The following SCARB1 variants were observed in gnomAD, a reference collection of about 807,000 sequenced individuals.
SCARB1 encodes the protein scavenger receptor class B member 1.
Under a neutral mutation model 57.2 loss-of-function variants are expected in SCARB1, and 30 were observed. The observed-to-expected ratio is 0.52, with a 90% CI of 0.39 to 0.71. The LOEUF is 0.71. SCARB1 is among the 30% of genes least tolerant of loss of function. The probability of loss-of-function intolerance (pLI) is 0.00; values close to 1 mark genes in which losing one functional copy is unlikely to be tolerated. For missense variants in SCARB1, 543 were observed against 671.2 expected, an observed-to-expected ratio of 0.81 and a Z score of 2.11; for synonymous variants, 249 against 268.3, an observed-to-expected ratio of 0.93 and a Z score of 0.70.
At chr12:124,808,726 G>C (rs1046823776) in intron 6 of SCARB1, among the ~76,000 whole-genome samples, 2 of 152,054 alleles carry the variant, frequency 1.3e-5, no homozygotes, top group African/African-American at 4.8e-5. Flanking sequence ...TCTGTCCACG[G>C]CAGCCACTCA....
chr12:124,840,269 G>A (rs535749765), intron 1 of SCARB1, among the ~76,000 whole-genome samples: 1 of 151,850 alleles, frequency 6.6e-6, no homozygotes, highest in Non-Finnish European at 1.5e-5. Flanking sequence ...TACCTCCCAG[G>A]TTCAAACGAT....
At chr12:124,813,276 C>G (rs1378246955) in intron 4 of SCARB1, among the ~76,000 whole-genome samples, 1 of 152,200 alleles carries the variant, frequency 6.6e-6, no homozygotes, top group African/African-American at 2.4e-5. Flanking sequence ...ATCTGCTCCC[C>G]AAAGCCCCAC....
Position 124,810,426 on chromosome 12 carries a change from G to A in SCARB1, c.727-137C>T. 1 of 689,140 alleles carries A rather than the reference G, an allele frequency of 1.5e-6. No individual in the cohort carries two copies. The highest frequency in any genetic ancestry group is 2.6e-6 in the Non-Finnish European group (1 of 377,416). The allele number at this position is 689,140 out of a possible 1,614,324, so 42.7% of individuals were successfully genotyped here. On this transcript the variant is annotated intron_variant, in intron 5 of 12. Coordinates refer to ENST00000261693, the MANE Select transcript of SCARB1 (RefSeq NM_005505.5). The surrounding 1 kb of genome is among the most constrained non-coding windows in gnomAD (Gnocchi z 4.0). ...CCAATACTGGCACGGTGGGAAGAGG[G>A]CAGGCTATGTAGACACACAGAGAGA...
intron 8 of SCARB1, among the ~76,000 whole-genome samples, chr12:124,797,894 G>A (rs1344198336): frequency 1.3e-5 from 2 of 152,238 alleles, no homozygotes; most frequent in African/African-American, 2.4e-5. Flanking sequence ...TGTGGCAAAC[G>A]TGTGGAGCTT....
chr12:124,814,896 G>T lies in SCARB1; in HGVS notation c.426+77C>A. ...CCGACCACCTCAGGGACTGCTCTCTGCACAAGGGGCAGGCGGGAGGAGAGA... is the reference window on the plus strand; with the variant it reads ...CCGACCACCTCAGGGACTGCTCTCTTCACAAGGGGCAGGCGGGAGGAGAGA... On this transcript the variant is annotated intron_variant, in intron 3 of 12. Coordinates refer to ENST00000261693, the MANE Select transcript of SCARB1 (RefSeq NM_005505.5). The surrounding 1 kb of genome is among the most constrained non-coding windows in gnomAD (Gnocchi z 4.7). The T allele has an allele frequency of 6.3e-7, 1 of 1,590,382 alleles. No homozygotes were observed.
intron 11 of SCARB1, chr12:124,785,984 A>G: frequency 1.5e-6 from 2 of 1,314,810 alleles, no homozygotes; most frequent in Non-Finnish European, 2.0e-6. Context: ...CCCCCTGAGC[A>G]GGGATCTCAG....
intron 7 of SCARB1, among the ~76,000 whole-genome samples, chr12:124,803,487 A>G (rs528106233): frequency 4.9e-4 from 74 of 152,094 alleles, no homozygotes; most frequent in African/African-American, 1.6e-3. Flanking sequence ...AAGAGGATCA[A>G]TTGAGTGATG....
At chr12:124,855,103 C>T (rs192901701) in intron 1 of SCARB1, among the ~76,000 whole-genome samples, 1 of 152,236 alleles carries the variant, frequency 6.6e-6, no homozygotes, top group African/African-American at 2.4e-5. Context: ...GGGAGGAAAA[C>T]CCAGAGAATG....
chr12:124,830,670 G>C (rs1176998988), intron 1 of SCARB1, among the ~76,000 whole-genome samples: 1 of 152,100 alleles, frequency 6.6e-6, no homozygotes, highest in African/African-American at 2.4e-5. Flanking sequence ...GGAGGGGTGC[G>C]GGGGAGGCGT....
chr12:124,800,811 G>A lies in SCARB1; in HGVS notation c.1010-569C>T, dbSNP rs1291834843. Among the ~76,000 whole-genome samples the A allele has an allele frequency of 6.6e-6, 1 of 152,084 alleles. No individual in the cohort carries two copies. Among genetic ancestry groups the A allele is most frequent in the Non-Finnish European group, 1.5e-5 (1 of 68,016 alleles). Reference sequence around the variant, plus strand: ...CTGCTACAAATGTGAGCTCAACCTCGCCACTGACCAACCAAACCAGGCAAA... The same window carrying A: ...CTGCTACAAATGTGAGCTCAACCTCACCACTGACCAACCAAACCAGGCAAA... On this transcript the variant is annotated intron_variant, in intron 7 of 12. Transcript: ENST00000261693. The surrounding 1 kb of genome is among the most constrained non-coding windows in gnomAD (Gnocchi z 4.8).
Position 124,814,080 on chromosome 12 carries a change from C to G in SCARB1, c.630+122G>C. 1 of 922,336 alleles carries G rather than the reference C, an allele frequency of 1.1e-6. No homozygotes were observed. The highest frequency in any genetic ancestry group is 1.7e-5 in the Admixed American group (1 of 58,308). The allele number at this position is 922,336 out of a possible 1,614,324, so 57.1% of individuals were successfully genotyped here. A position where few individuals can be genotyped will look rare whatever the true frequency, so the allele number is the denominator to read the frequency against. ...TTTGAGTCAGGTTCTCAGTCACTTA[C>G]AACCCACAGCCACTAGATCCCCAGC... On this transcript the variant is annotated intron_variant, in intron 4 of 12. Transcript: ENST00000261693. This position sits in a 1 kb window ranked among gnomAD's most constrained non-coding sequence, Gnocchi z 4.7.
intron 11 of SCARB1, 182 bp downstream of exon 11, chr12:124,786,175 A>G (rs775484272): frequency 2.5e-5 from 40 of 1,575,382 alleles, no homozygotes; most frequent in Non-Finnish European, 3.4e-5. Context: ...GCGGCATGCA[A>G]AAGACGCAAG....
chr12:124,824,105 C>T (rs140271393), intron 1 of SCARB1, among the ~76,000 whole-genome samples: 2,528 of 147,826 alleles, frequency 0.017, 80 homozygotes, highest in African/African-American at 0.061. Flanking sequence ...ACCCGGGAGG[C>T]GGAGGTTGCA....
intron 1 of SCARB1, among the ~76,000 whole-genome samples, chr12:124,849,608 G>A (rs970098505): frequency 1.3e-5 from 2 of 152,202 alleles, no homozygotes; most frequent in Non-Finnish European, 2.9e-5. Flanking sequence ...TGGGACAGTC[G>A]GCCCCACCCA....
chr12:124,795,893 T>G (rs1284637166), intron 8 of SCARB1, among the ~76,000 whole-genome samples: 2 of 152,244 alleles, frequency 1.3e-5, no homozygotes, highest in Non-Finnish European at 2.9e-5. Context: ...CTTGTTCATT[T>G]TTATGGTTGT....
chr12:124,814,110 T>A lies in SCARB1; in HGVS notation c.630+92A>T. ...CACAGCCACTAGATCCCCAGCCAGC[T>A]ACAAAGCAAGCTGGTGACCAGTGTC... is the stretch of plus-strand genomic sequence containing the variant. On this transcript the variant is annotated intron_variant, in intron 4 of 12. Transcript: ENST00000261693. The surrounding 1 kb of genome is among the most constrained non-coding windows in gnomAD (Gnocchi z 4.7). 8.0e-7 allele frequency: 1 copy of A among 1,252,004 alleles called. No individual in the cohort carries two copies. Among genetic ancestry groups the A allele is most frequent in the Non-Finnish European group, 1.2e-6 (1 of 851,546 alleles). 77.6% of individuals were successfully genotyped at this position (1,252,004 alleles called of 1,614,324 possible).
At chr12:124,811,718 C>T (rs1383351713) in intron 5 of SCARB1, 152 bp downstream of exon 5, 1 of 656,130 alleles carries the variant, frequency 1.5e-6, no homozygotes, top group Non-Finnish European at 2.8e-6. Flanking sequence ...GGTAAAATCC[C>T]TCCTCCAACT....
At chr12:124,839,641 C>A in intron 1 of SCARB1, 1 of 985,314 alleles carries the variant, frequency 1.0e-6, no homozygotes, top group Non-Finnish European at 1.2e-6. Flanking sequence ...CACCATCCTA[C>A]ATTCCCAACG....
chr12:124,806,599 A>G (rs1950331943), intron 7 of SCARB1, among the ~76,000 whole-genome samples: 1 of 152,210 alleles, frequency 6.6e-6, no homozygotes, highest in Non-Finnish European at 1.5e-5. Context: ...GCTGCCTTGA[A>G]GGTCCAGAAA....
Sources: allele counts gnomAD v4.1 joint callset (sites outside exome capture counted in the v4.1 genomes callset), GRCh38; gene constraint gnomAD v4.1.1; non-coding constraint Gnocchi (gnomAD v3.1); transcripts MANE v1.5; gene names NCBI Gene and HGNC (gene_info 2026-07-23, HGNC 2026-07-21).